Variants in TOP1 observed in about 807,000 individuals in gnomAD.
The protein encoded by TOP1 is DNA topoisomerase I, also known as DNA topoisomerase 1.
Under a neutral mutation model 111.1 loss-of-function variants are expected in TOP1, and 10 were observed. That is an observed-to-expected ratio of 0.09 (90% confidence interval 0.06 to 0.15). The LOEUF (loss-of-function observed/expected upper bound fraction) is 0.15, where lower values mean the gene tolerates loss of function less well. TOP1 is among the 10% of genes least tolerant of loss of function. The pLI is 1.00. For synonymous variants in TOP1, 271 were observed against 302.9 expected, an observed-to-expected ratio of 0.89 and a Z score of 1.10; for missense variants, 474 against 926.7, an observed-to-expected ratio of 0.51 and a Z score of 6.34.
At position 41,029,215 on chromosome 20, in the gene TOP1, G is replaced by A; in HGVS notation, c.33+115G>A. The A allele has an allele frequency of 3.4e-6, 3 of 890,598 alleles. No homozygotes were observed. Among genetic ancestry groups the A allele is most frequent in the Non-Finnish European group, 4.7e-6 (3 of 643,634 alleles). 55.2% of individuals were successfully genotyped at this position (890,598 alleles called of 1,614,324 possible). A position where few individuals can be genotyped will look rare whatever the true frequency, so the allele number is the denominator to read the frequency against. ...GCAGCTTTGACAGGCCGGAGCCCCC[G>A]GTGAGGGGCCGCCTGCCGGAGTAGA... On this transcript the variant is annotated intron_variant, in intron 1 of 20. Coordinates refer to ENST00000361337, the MANE Select transcript of TOP1 (RefSeq NM_003286.4). The surrounding 1 kb of genome is among the most constrained non-coding windows in gnomAD (Gnocchi z 6.1).
chr20:41,106,620 C>A lies in TOP1; in HGVS notation c.1308+5267C>A, dbSNP rs939145646. Among the ~76,000 whole-genome samples, 2 of 152,046 alleles carry A rather than the reference C, an allele frequency of 1.3e-5. No individual in the cohort carries two copies. On this transcript the variant is annotated intron_variant, in intron 13 of 20. Transcript: ENST00000361337. This position sits in a 1 kb window ranked among gnomAD's most constrained non-coding sequence, Gnocchi z 4.3. Reference sequence around the variant, plus strand: ...ATAAAGGTTTTACATTTAAAAAATTCTTATTTTTAAGTGATCTTATAGTTT... The same window carrying A: ...ATAAAGGTTTTACATTTAAAAAATTATTATTTTTAAGTGATCTTATAGTTT...
rs2033813602 is a variant in TOP1 at position 41,083,592 on chromosome 20, A to G, written c.508-870A>G. ...AAATGAACCCATCCATACACTTTCCAGCTGTGCCACTCTTTAATTGATTTT... is the reference window on the plus strand; with the variant it reads ...AAATGAACCCATCCATACACTTTCCGGCTGTGCCACTCTTTAATTGATTTT... On this transcript the variant is annotated intron_variant, in intron 7 of 20. Transcript: ENST00000361337. The surrounding 1 kb of genome is among the most constrained non-coding windows in gnomAD (Gnocchi z 7.2). Among the ~76,000 whole-genome samples the G allele has an allele frequency of 1.3e-5, 2 of 152,198 alleles. No individual in the cohort carries two copies. The highest frequency in any genetic ancestry group is 2.1e-4 in the South Asian group (1 of 4,822).
chr20:41,094,168 T>A lies in TOP1; in HGVS notation c.730+1581T>A, dbSNP rs1244606407. Among the ~76,000 whole-genome samples, 3 of 152,142 alleles carry A rather than the reference T, an allele frequency of 2.0e-5. No homozygotes were observed. Among genetic ancestry groups the A allele is most frequent in the Admixed American group, 6.5e-5 (1 of 15,274 alleles). On this transcript the variant is annotated intron_variant, in intron 9 of 20. Coordinates refer to ENST00000361337, the MANE Select transcript of TOP1 (RefSeq NM_003286.4). The surrounding 1 kb of genome is among the most constrained non-coding windows in gnomAD (Gnocchi z 4.4). ...GACTTAGACCCTGATCTTGGGGAGTTTGCAGCCTAACAGGACTCCATAATC... is the reference window on the plus strand; with the variant it reads ...GACTTAGACCCTGATCTTGGGGAGTATGCAGCCTAACAGGACTCCATAATC...
chr20:41,077,172 A>G (rs1006783907), intron 4 of TOP1, among the ~76,000 whole-genome samples: 5 of 152,174 alleles, frequency 3.3e-5, no homozygotes, highest in African/African-American at 1.2e-4. Flanking sequence ...CTCCAACCTC[A>G]TCTTCCCAAA....
intron 2 of TOP1, among the ~76,000 whole-genome samples, chr20:41,044,988 A>G (rs1243627535): frequency 1.3e-5 from 2 of 152,062 alleles, no homozygotes; most frequent in African/African-American, 2.4e-5. Context: ...GGGTTTTGCC[A>G]TGTTGACCAG....
In TOP1 at chr20:41,092,735, C is replaced by T. The variant is rs548579221; in HGVS notation, c.730+148C>T. The T allele has an allele frequency of 1.5e-5, 8 of 540,946 alleles. No homozygotes were observed. Among genetic ancestry groups the T allele is most frequent in the Non-Finnish European group, 2.6e-5 (8 of 306,628 alleles). The allele number at this position is 540,946 out of a possible 1,614,324, so 33.5% of individuals were successfully genotyped here. ...CCATGCAATTTTGAGGAAGGGGCAT[C>T]AGGTGTTAACTCTTAAAGGCTCATT... On this transcript the variant is annotated intron_variant, in intron 9 of 20. Coordinates refer to ENST00000361337, the MANE Select transcript of TOP1 (RefSeq NM_003286.4). This position sits in a 1 kb window ranked among gnomAD's most constrained non-coding sequence, Gnocchi z 4.3.
Position 41,072,673 on chromosome 20 carries a change from T to C in TOP1, c.156-3498T>C, listed in dbSNP as rs113667514. 18 of 985,404 alleles carry C rather than the reference T, an allele frequency of 1.8e-5. No homozygotes were observed. The African/African-American group carries it at 2.4e-4, about 13-fold the overall frequency. The allele number at this position is 985,404 out of a possible 1,614,324, so 61.0% of individuals were successfully genotyped here. On this transcript the variant is annotated intron_variant, in intron 3 of 20. Transcript: ENST00000361337. The stretch of plus-strand genomic sequence containing the variant: ...CGGTTTGGGGGTTATGGATGCCAGG[T>C]TGGGCTCCAGGCACTCTGCTCTCCA...
intron 8 of TOP1, among the ~76,000 whole-genome samples, chr20:41,090,550 T>C (rs900942654): frequency 2.6e-5 from 4 of 152,206 alleles, no homozygotes; most frequent in African/African-American, 9.6e-5. Flanking sequence ...TTGCCCAGGC[T>C]GGAGTGCAGT....
intron 3 of TOP1, among the ~76,000 whole-genome samples, chr20:41,064,387 C>T (rs1444728922): frequency 6.6e-6 from 1 of 152,088 alleles, no homozygotes; most frequent in African/African-American, 2.4e-5. Context: ...TACTTTGGAC[C>T]CCACTCTCCT....
intron 2 of TOP1, among the ~76,000 whole-genome samples, chr20:41,053,478 C>G (rs1350226633): frequency 6.6e-6 from 1 of 152,072 alleles, no homozygotes; most frequent in Non-Finnish European, 1.5e-5. Context: ...CCCAAAATGC[C>G]CATAAATTAA....
At position 41,121,866 on chromosome 20, in the gene TOP1, G is replaced by A. The variant is rs2034428989; in HGVS notation, c.2045+76G>A. 5.1e-6 allele frequency: 8 copies of A among 1,560,814 alleles called. No homozygotes were observed. The highest frequency in any genetic ancestry group is 7.0e-6 in the Non-Finnish European group (8 of 1,142,352). On this transcript the variant is annotated intron_variant, in intron 19 of 20. Coordinates refer to ENST00000361337, the MANE Select transcript of TOP1 (RefSeq NM_003286.4). The surrounding 1 kb of genome is among the most constrained non-coding windows in gnomAD (Gnocchi z 4.2). ...CATCTGTCAGGGCCCCTGGGGCCCT[G>A]GCTTTTCGATGGTTTCTGAGAAATG...
At chr20:41,049,880 CAG>C (rs1272551954) in intron 2 of TOP1, among the ~76,000 whole-genome samples, 1 of 152,132 alleles carries the variant, frequency 6.6e-6, no homozygotes, top group Non-Finnish European at 1.5e-5. Context: ...AGGTCCCTAA[CAG>C]GGGAATCCCA....
chr20:41,040,867 G>A (rs149869516), intron 2 of TOP1, among the ~76,000 whole-genome samples: 2 of 151,686 alleles, frequency 1.3e-5, no homozygotes, highest in African/African-American at 4.8e-5. Flanking sequence ...TTATACCCTG[G>A]AATGAATGAA....
chr20:41,040,835 G>A (rs910551262), intron 2 of TOP1, among the ~76,000 whole-genome samples: 5 of 150,512 alleles, frequency 3.3e-5, no homozygotes, highest in Non-Finnish European at 5.9e-5. Flanking sequence ...GACCATGTTA[G>A]GTTCTGTTTA....
In TOP1 at chr20:41,101,427, T is replaced by C. The variant is rs1322054610; in HGVS notation, c.1308+74T>C. On this transcript the variant is annotated intron_variant, in intron 13 of 20. Coordinates refer to ENST00000361337, the MANE Select transcript of TOP1 (RefSeq NM_003286.4). This position sits in a 1 kb window ranked among gnomAD's most constrained non-coding sequence, Gnocchi z 4.1. ...TTTTTGTTGAAATGTAACGTTCTCG[T>C]CCTCTAGAATCACTTTGACAAATTA... 1 of 1,429,630 alleles carries C rather than the reference T, an allele frequency of 7.0e-7. No individual in the cohort carries two copies. Among genetic ancestry groups the C allele is most frequent in the African/African-American group, 1.4e-5 (1 of 70,040 alleles). The allele number at this position is 1,429,630 out of a possible 1,614,324, so 88.6% of individuals were successfully genotyped here. A position where few individuals can be genotyped will look rare whatever the true frequency, so the allele number is the denominator to read the frequency against.
intron 2 of TOP1, among the ~76,000 whole-genome samples, chr20:41,040,803 CA>C (rs58729802): frequency 0.21 from 16,989 of 80,380 alleles, 950 homozygotes; most frequent in East Asian, 0.56. Flanking sequence ...GGCATCGTCT[CA>C]AAAAAAAAAA....
chr20:41,070,799 T>C (rs2033660866), intron 3 of TOP1, among the ~76,000 whole-genome samples: 1 of 152,188 alleles, frequency 6.6e-6, no homozygotes, highest in African/African-American at 2.4e-5. Flanking sequence ...CTTTTTTGCT[T>C]TGTTTGGGAA....
rs1332677875 is a variant in TOP1 at position 41,034,207 on chromosome 20, A to G, written c.58+4752A>G. 6.6e-6 allele frequency among the ~76,000 whole-genome samples: 1 copy of G among 152,220 alleles called. No individual in the cohort carries two copies. The highest frequency in any genetic ancestry group is 6.5e-5 in the Admixed American group (1 of 15,284). On this transcript the variant is annotated intron_variant, in intron 2 of 20. Coordinates refer to ENST00000361337, the MANE Select transcript of TOP1 (RefSeq NM_003286.4). The surrounding 1 kb of genome is among the most constrained non-coding windows in gnomAD (Gnocchi z 4.0). The stretch of plus-strand genomic sequence containing the variant: ...TTCCAAACTAGTCCTTAAGAGGCGA[A>G]TGGGTATTGTGTTTAAAGGAAGCTT...
chr20:41,044,063 G>A (rs551059514), intron 2 of TOP1, among the ~76,000 whole-genome samples: 1 of 152,262 alleles, frequency 6.6e-6, no homozygotes, highest in African/African-American at 2.4e-5. Context: ...GATCACCTGA[G>A]GTCGGGAGTT....
Sources: allele counts gnomAD v4.1 joint callset (sites outside exome capture counted in the v4.1 genomes callset), GRCh38; gene constraint gnomAD v4.1.1; non-coding constraint Gnocchi (gnomAD v3.1); transcripts MANE v1.5; gene names NCBI Gene and HGNC (gene_info 2026-07-23, HGNC 2026-07-21).